The following PRAG1 variants were observed in gnomAD, a reference collection of about 807,000 sequenced individuals.
PRAG1 encodes inactive tyrosine-protein kinase PRAG1.
PRAG1 carries 110 observed loss-of-function variants against 95.6 expected under a neutral mutation model. The observed-to-expected ratio is 1.15, with a 90% confidence interval of 0.99 to 1.35. PRAG1 has a LOEUF of 1.35. PRAG1 is among the 40% of genes most tolerant of loss of function. PRAG1 has a pLI of 0.00. For missense variants in PRAG1, 2,554 were observed against 1,864.7 expected (o/e 1.37, Z -6.81); for synonymous variants, 1,052 against 819.4 (o/e 1.28, Z -4.85).
At chr8:8,381,959 T>C (rs1233082046) in intron 1 of PRAG1, 125 bp from the exon 2 acceptor site, 2 of 495,020 alleles carry the variant, frequency 4.0e-6, no homozygotes, top group Non-Finnish European at 7.1e-6. Context: ...TAGGATCCCA[T>C]TTATTTTGGG....
rs770197115 is a variant in PRAG1 at position 8,376,382 on chromosome 8, GGGTGGAGAC to G, written c.2018_2026del (p.Arg673_His675del). ...GTTCTGCCCAGAGGAGCCATCTGTG[GGGTGGAGAC>G]GGTGCCAGGTCGTGGAGTTTGAATG... On this transcript the variant is annotated inframe_deletion, in exon 3 of 6. Transcript: ENST00000615670. The G allele has an allele frequency of 1.9e-5, 30 of 1,614,190 alleles. No individual in the cohort carries two copies. In the East Asian group the frequency reaches 6.7e-4, roughly 36 times the overall value.
chr8:8,339,255 G>A (rs1193962232), intron 4 of PRAG1, among the ~76,000 whole-genome samples: 2 of 152,144 alleles, frequency 1.3e-5, no homozygotes, highest in Admixed American at 1.3e-4. Context: ...ATGTTGCCAC[G>A]TCCACACTCT....
chr8:8,380,391 G>A (rs1220742344), intron 2 of PRAG1, among the ~76,000 whole-genome samples: 1 of 152,118 alleles, frequency 6.6e-6, no homozygotes, highest in East Asian at 1.9e-4. Context: ...TTGAGGTCAG[G>A]AGTTAGAGAC....
chr8:8,353,998 G>T (rs1799608672), intron 3 of PRAG1, among the ~76,000 whole-genome samples: 3 of 151,742 alleles, frequency 2.0e-5, no homozygotes, highest in Admixed American at 6.6e-5. Flanking sequence ...ATAGAACTGA[G>T]AATTGGTTCT....
rs1798679396 is a variant in PRAG1, at chr8:8,327,814, A to G, written c.2968T>C (p.Ser990Pro). ...KELHFNENNWSLFKLTCNKPC... is the reference protein window; with the variant it reads ...KELHFNENNWPLFKLTCNKPC... The stretch of plus-strand genomic sequence containing the variant: ...TTGTTACAAGTCAGCTTGAAGAGCG[A>G]CCAGTTATTCTCATTGAAGTGGAGC... The change falls in exon 5 of 6, where the codon TCG becomes CCG. Residue 990 changes from serine (S) to proline (P), a missense_variant. Transcript: ENST00000615670. The G allele has an allele frequency of 6.2e-7, 1 of 1,614,172 alleles. No individual in the cohort carries two copies. The highest frequency in any genetic ancestry group is 8.5e-7 in the Non-Finnish European group (1 of 1,180,022).
Position 8,338,044 on chromosome 8 carries a change from G to T in PRAG1, c.2320+1434C>A, listed in dbSNP as rs1799046221. 5.3e-5 allele frequency among the ~76,000 whole-genome samples: 8 copies of T among 152,062 alleles called. No homozygotes were observed. In the South Asian group the frequency reaches 1.7e-3, roughly 32 times the overall value. Reference sequence around the variant, plus strand: ...CTCCTCCTCACCCCCTACCTCCCCAGTTCTGGCCACATTTCAGATCTGATC... The same window carrying T: ...CTCCTCCTCACCCCCTACCTCCCCATTTCTGGCCACATTTCAGATCTGATC... On this transcript the variant is annotated intron_variant, in intron 4 of 5. Transcript: ENST00000615670.
intron 4 of PRAG1, among the ~76,000 whole-genome samples, chr8:8,331,922 T>G (rs2980497): frequency 6.6e-6 from 1 of 152,022 alleles, no homozygotes; most frequent in South Asian, 2.1e-4. Context: ...AATTAGCACA[T>G]GCACTGATTA....
intron 3 of PRAG1, among the ~76,000 whole-genome samples, chr8:8,369,023 T>A (rs1349732923): frequency 1.3e-5 from 2 of 151,968 alleles, no homozygotes; most frequent in African/African-American, 4.8e-5. Context: ...TGTGCCCACA[T>A]GGTGTTTGCC....
rs772414880 is a variant in PRAG1 at position 8,318,959 on chromosome 8, T to C, written c.3416A>G (p.His1139Arg). 3 of 1,613,032 alleles carry C rather than the reference T, an allele frequency of 1.9e-6. No individual in the cohort carries two copies. The highest frequency in any genetic ancestry group is 1.7e-6 in the Non-Finnish European group (2 of 1,179,662). ...LCNGLEHLKEHGIIHRDLCLE... is the reference protein window; with the variant it reads ...LCNGLEHLKERGIIHRDLCLE... Reference sequence around the variant, plus strand: ...GCACAGGTCCCGGTGGATGATCCCGTGCTCCTTCAGGTGCTCCAGCCCGTT... The same window carrying C: ...GCACAGGTCCCGGTGGATGATCCCGCGCTCCTTCAGGTGCTCCAGCCCGTT... Residue 1139 changes from histidine to arginine, a missense_variant, in exon 6 of 6, where the codon CAC becomes CGC. His to Arg is a conservative substitution (Grantham distance 29). Coordinates refer to ENST00000615670, the MANE Select transcript of PRAG1 (RefSeq NM_001080826.3). The surrounding 1 kb of genome is among the most constrained non-coding windows in gnomAD (Gnocchi z 4.2).
intron 5 of PRAG1, among the ~76,000 whole-genome samples, chr8:8,321,207 C>T (rs1365803379): frequency 1.3e-5 from 2 of 152,210 alleles, no homozygotes; most frequent in African/African-American, 4.8e-5. Context: ...ACCTCAGCCT[C>T]CCGAGTAGCT....
At chr8:8,337,846 T>C (rs77424733) in intron 4 of PRAG1, among the ~76,000 whole-genome samples, 2,574 of 152,278 alleles carry the variant, frequency 0.017, 74 homozygotes, top group African/African-American at 0.055. Flanking sequence ...CCTGCACAGA[T>C]TGCTGTGAGA....
Position 8,377,710 on chromosome 8 carries a change from G to C in PRAG1, c.699C>G (p.Pro233=), listed in dbSNP as rs371685160. 6.2e-7 allele frequency: 1 copy of C among 1,613,984 alleles called. No individual in the cohort carries two copies. The highest frequency in any genetic ancestry group is 1.7e-5 in the Admixed American group (1 of 60,028). Residue 233 remains proline (P), a synonymous_variant, in exon 3 of 6, where the codon CCC becomes CCG. Coordinates refer to ENST00000615670, the MANE Select transcript of PRAG1 (RefSeq NM_001080826.3). ...QGPGPLRESL[P]SEDDSDQRCS... is the part of the protein sequence containing the mutation. ...ACCTTTGATCACTGTCATCCTCCGA[G>C]GGCAGGGATTCCCGCAGGGGCCCAG... is the stretch of plus-strand genomic sequence containing the variant.
intron 3 of PRAG1, among the ~76,000 whole-genome samples, chr8:8,345,709 C>T (rs1475233964): frequency 2.0e-5 from 3 of 152,118 alleles, no homozygotes; most frequent in East Asian, 1.9e-4. Flanking sequence ...GCAGGAGAAT[C>T]GCTCAAACCC....
intron 5 of PRAG1, among the ~76,000 whole-genome samples, chr8:8,322,267 GC>G (rs1338743499): frequency 6.6e-6 from 1 of 152,040 alleles, no homozygotes; most frequent in Admixed American, 6.6e-5. Context: ...TGCAATGTCT[GC>G]CTCCCGGGTT....
At chr8:8,339,380 T>C (rs1425471620) in intron 4 of PRAG1, 98 bp downstream of exon 4, 2 of 1,287,848 alleles carry the variant, frequency 1.6e-6, no homozygotes, top group African/African-American at 2.9e-5. Flanking sequence ...ACCAAGACAG[T>C]AGTCCTTGCT....
At chr8:8,379,368 C>T (rs1302398597) in intron 2 of PRAG1, among the ~76,000 whole-genome samples, 1 of 152,180 alleles carries the variant, frequency 6.6e-6, no homozygotes, top group Non-Finnish European at 1.5e-5. Context: ...TCCTTTACCC[C>T]CACTTTTAGA....
intron 3 of PRAG1, among the ~76,000 whole-genome samples, chr8:8,363,848 T>C (rs1799921474): frequency 6.6e-6 from 1 of 152,214 alleles, no homozygotes; most frequent in Non-Finnish European, 1.5e-5. Context: ...ATTAAGTATA[T>C]TGTGCTATAG....
At chr8:8,384,358 T>G (rs188561475) in intron 1 of PRAG1, among the ~76,000 whole-genome samples, 1 of 152,086 alleles carries the variant, frequency 6.6e-6, no homozygotes, top group African/African-American at 2.4e-5. Flanking sequence ...GGAAGTTTCC[T>G]TGAGAATGTC....
intron 5 of PRAG1, among the ~76,000 whole-genome samples, chr8:8,323,846 A>C (rs1009398526): frequency 2.0e-5 from 3 of 152,170 alleles, no homozygotes; most frequent in Non-Finnish European, 2.9e-5. Context: ...TCCTTCCCTT[A>C]CACGTATCCA....
Sources: gnomAD v4.1 joint callset for allele counts (sites outside exome capture counted in the v4.1 genomes callset) on GRCh38, gnomAD v4.1.1 for gene constraint, Gnocchi (gnomAD v3.1) non-coding constraint, MANE v1.5 for transcripts, NCBI Gene and HGNC (gene_info 2026-07-23, HGNC 2026-07-21) for gene names.